ADCY2: variants seen among roughly 807,000 people sequenced by gnomAD.
The protein encoded by ADCY2 is adenylate cyclase 2, also known as adenylate cyclase type 2.
A neutral mutation model predicts 125.2 loss-of-function variants in ADCY2; 31 were observed. The observed-to-expected ratio is 0.25, with a 90% confidence interval of 0.19 to 0.33. The LOEUF (loss-of-function observed/expected upper bound fraction) is 0.33, where lower values mean the gene tolerates loss of function less well. Ranked by LOEUF, ADCY2 falls within the 10% of genes least tolerant of loss-of-function variation. The pLI, the probability that ADCY2 is intolerant of heterozygous loss-of-function variation, is 1.00. For synonymous variants in ADCY2, 512 were observed against 548.4 expected, an observed-to-expected ratio of 0.93 and a Z score of 0.93; for missense variants, 904 against 1,418.2, an observed-to-expected ratio of 0.64 and a Z score of 5.82.
chr5:7,686,669 C>G (rs1313772166), intron 4 of ADCY2, among the ~76,000 whole-genome samples: 3 of 152,168 alleles, frequency 2.0e-5, no homozygotes, highest in Non-Finnish European at 4.4e-5. Flanking sequence ...AAGTTATACC[C>G]AGTATATTAA....
At chr5:7,585,197 C>T (rs546587094) in intron 3 of ADCY2, among the ~76,000 whole-genome samples, 6 of 152,040 alleles carry the variant, frequency 3.9e-5, no homozygotes, top group Admixed American at 2.0e-4. Context: ...TCATTTTCTA[C>T]GTGGCAATTT....
rs1554015691 is a variant in ADCY2, at chr5:7,513,106, CAGAG to C, written c.409-7611_409-7608del. Among the ~76,000 whole-genome samples, 236 of 138,528 alleles carry C rather than the reference CAGAG, an allele frequency of 1.7e-3. 1 individual carries two copies. The highest frequency in any genetic ancestry group is 4.5e-3 in the African/African-American group (176 of 38,960). 90.9% of individuals were successfully genotyped at this position (138,528 alleles called of 152,430 possible). On this transcript the variant is annotated intron_variant, in intron 2 of 24. Coordinates refer to ENST00000338316, the MANE Select transcript of ADCY2 (RefSeq NM_020546.3). ...ACACACACACACACACACACACACACAGAGAGAGAGAGAGAGAGAGAGAGCAAGA... is the reference window on the plus strand; with the variant it reads ...ACACACACACACACACACACACACACAGAGAGAGAGAGAGAGAGAGCAAGA...
chr5:7,647,285 G>C (rs1420543092), intron 4 of ADCY2, among the ~76,000 whole-genome samples: 1 of 152,174 alleles, frequency 6.6e-6, no homozygotes, highest in Admixed American at 6.5e-5. Flanking sequence ...TGTAAGTAAT[G>C]ATAATATCTG....
chr5:7,518,149 C>T (rs1319163398), intron 2 of ADCY2, among the ~76,000 whole-genome samples: 6 of 152,152 alleles, frequency 3.9e-5, no homozygotes, highest in African/African-American at 1.4e-4. Flanking sequence ...TTTCTGATAG[C>T]TCAGTGGTTC....
intron 20 of ADCY2, among the ~76,000 whole-genome samples, chr5:7,791,042 G>T (rs1344692897): frequency 6.6e-6 from 1 of 151,170 alleles, no homozygotes; most frequent in Non-Finnish European, 1.5e-5. Flanking sequence ...TTTCTGGTCA[G>T]TTTTTTTTTG....
intron 22 of ADCY2, among the ~76,000 whole-genome samples, chr5:7,816,308 C>T (rs1284236944): frequency 9.2e-5 from 14 of 152,192 alleles, no homozygotes. Flanking sequence ...CCTTGTCCTC[C>T]GTGAAGAAGA....
At chr5:7,723,869 C>G (rs367945833) in intron 12 of ADCY2, among the ~76,000 whole-genome samples, 1 of 123,246 alleles carries the variant, frequency 8.1e-6, no homozygotes, top group Non-Finnish European at 1.6e-5. Context: ...TGCAGTGAGC[C>G]GAGATCATGC....
chr5:7,516,406 T>A (rs1356351123), intron 2 of ADCY2, among the ~76,000 whole-genome samples: 1 of 152,186 alleles, frequency 6.6e-6, no homozygotes, highest in African/African-American at 2.4e-5. Context: ...CTAGTTGAAC[T>A]GTGCTTAGGA....
rs191657128 is a variant in ADCY2 at position 7,594,064 on chromosome 5, C to T, written c.571-32103C>T. Among the ~76,000 whole-genome samples the T allele has an allele frequency of 2.6e-4, 39 of 152,192 alleles. No individual in the cohort carries two copies. The East Asian group carries it at 6.4e-3, about 25-fold the overall frequency. ...AATAGCTTGGGAAGTGTGTTAAAGGCGCTGACTTTTGCTCTGGGTTGATTT... is the reference window on the plus strand; with the variant it reads ...AATAGCTTGGGAAGTGTGTTAAAGGTGCTGACTTTTGCTCTGGGTTGATTT... On this transcript the variant is annotated intron_variant, in intron 3 of 24. Coordinates refer to ENST00000338316, the MANE Select transcript of ADCY2 (RefSeq NM_020546.3).
At chr5:7,483,368 T>G (rs566245774) in intron 2 of ADCY2, among the ~76,000 whole-genome samples, 1 of 152,108 alleles carries the variant, frequency 6.6e-6, no homozygotes, top group East Asian at 1.9e-4. Context: ...TAGGTAATCC[T>G]TCAGAGAACA....
At chr5:7,757,408 C>A (rs777733792) in intron 15 of ADCY2, 41 bp from the exon 16 acceptor site, 1 of 1,600,576 alleles carries the variant, frequency 6.2e-7, no homozygotes, top group Non-Finnish European at 8.5e-7. Context: ...GAGAAGTCAT[C>A]AGCTAGCAAT....
At chr5:7,553,754 C>G (rs1172675745) in intron 3 of ADCY2, among the ~76,000 whole-genome samples, 1 of 152,130 alleles carries the variant, frequency 6.6e-6, no homozygotes, top group Non-Finnish European at 1.5e-5. Context: ...TGCATGAACC[C>G]TGGGGTCAGG....
rs544654902 is a variant in ADCY2, at chr5:7,583,097, GT to G, written c.571-43063del. On this transcript the variant is annotated intron_variant, in intron 3 of 24. Transcript: ENST00000338316. ...AAGTAAAAATCTAATTTCCTTTACA[GT>G]TTTTTTCAAAAATTATAATATCTAA... 8.3e-3 allele frequency among the ~76,000 whole-genome samples: 1,268 copies of G among 151,890 alleles called. 12 individuals carry two copies. The highest frequency in any genetic ancestry group is 0.026 in the African/African-American group (1,094 of 41,476).
At chr5:7,501,655 C>CCCT (rs1554014566) in intron 2 of ADCY2, among the ~76,000 whole-genome samples, 1 of 110,056 alleles carries the variant, frequency 9.1e-6, no homozygotes, top group African/African-American at 3.3e-5. Flanking sequence ...CTCCCCCCCC[C>CCCT]CCCGCCAGTA....
At chr5:7,815,051 A>G (rs1201951362) in intron 22 of ADCY2, among the ~76,000 whole-genome samples, 1 of 152,114 alleles carries the variant, frequency 6.6e-6, no homozygotes, top group Non-Finnish European at 1.5e-5. Context: ...TAGTGGGCAC[A>G]TTCACGATCC....
chr5:7,567,657 A>G (rs1442805399), intron 3 of ADCY2, among the ~76,000 whole-genome samples: 1 of 152,178 alleles, frequency 6.6e-6, no homozygotes, highest in Non-Finnish European at 1.5e-5. Flanking sequence ...TTGGAAATTC[A>G]AACTCTACCA....
At chr5:7,722,015 G>A (rs1228177513) in intron 12 of ADCY2, among the ~76,000 whole-genome samples, 1 of 152,208 alleles carries the variant, frequency 6.6e-6, no homozygotes, top group East Asian at 1.9e-4. Context: ...TGTGTAGGAA[G>A]AATATACACT....
intron 3 of ADCY2, among the ~76,000 whole-genome samples, chr5:7,610,954 G>A (rs978778704): frequency 6.6e-5 from 10 of 152,216 alleles, no homozygotes; most frequent in African/African-American, 2.4e-4. Context: ...TGATTCTGAT[G>A]CCAGGCATGG....
intron 2 of ADCY2, among the ~76,000 whole-genome samples, chr5:7,435,445 A>G (rs1561024015): frequency 6.6e-6 from 1 of 152,194 alleles, no homozygotes; most frequent in Non-Finnish European, 1.5e-5. Context: ...CAGAATTTCC[A>G]GCAGAAATGC....
Sources: gnomAD v4.1 joint callset for allele counts (sites outside exome capture counted in the v4.1 genomes callset) on GRCh38, gnomAD v4.1.1 for gene constraint, MANE v1.5 for transcripts, NCBI Gene and HGNC (gene_info 2026-07-23, HGNC 2026-07-21) for gene names.